The following TEX36 variants were observed in gnomAD, a reference collection of about 807,000 sequenced individuals.
TEX36 encodes testis-expressed protein 36.
A neutral mutation model predicts 13.6 loss-of-function variants in TEX36; 12 were observed. That is an observed-to-expected ratio of 0.88 (90% CI 0.56 to 1.43). The LOEUF is 1.43. Among genes scored for constraint, TEX36 ranks in the 40% most tolerant of loss-of-function variants. The pLI is 0.00. For missense variants in TEX36, 224 were observed against 228.3 expected (o/e 0.98, Z 0.12); for synonymous variants, 93 against 83.0 (o/e 1.12, Z -0.65).
Position 125,591,770 on chromosome 10 carries a change from C to G in TEX36, c.265-14896G>C, listed in dbSNP as rs141404472. On this transcript the variant is annotated intron_variant, in intron 3 of 3. Coordinates refer to the TEX36 transcript ENST00000532135. The stretch of plus-strand genomic sequence containing the variant: ...CCCTCAGACTCAGAGGATCAATTAG[C>G]AGATGCGTTCATGACGAACTTGTTT... 2.6e-4 allele frequency among the ~76,000 whole-genome samples: 40 copies of G among 152,308 alleles called. No individual in the cohort carries two copies. The East Asian group carries it at 7.2e-3, about 27-fold the overall frequency.
intron 2 of TEX36, 75 bp downstream of exon 2, chr10:125,661,771 G>T: frequency 6.6e-7 from 1 of 1,520,350 alleles, no homozygotes; most frequent in African/African-American, 1.4e-5. Context: ...GAATTGTTTG[G>T]CCCAACGTGC....
intron 3 of TEX36, among the ~76,000 whole-genome samples, chr10:125,596,080 G>A (rs1846079297): frequency 6.6e-6 from 1 of 152,242 alleles, no homozygotes; most frequent in South Asian, 2.1e-4. Context: ...GACTAGGTAA[G>A]TATTTAACCT....
chr10:125,653,780 A>G (rs1342653046), downstream of TEX36, among the ~76,000 whole-genome samples: 1 of 152,158 alleles, frequency 6.6e-6, no homozygotes, highest in African/African-American at 2.4e-5. Context: ...GGAGTTCAAG[A>G]CCAGCCTGGG....
At chr10:125,650,987 A>G (rs1197352759), downstream of TEX36, among the ~76,000 whole-genome samples, 1 of 152,216 alleles carries the variant, frequency 6.6e-6, no homozygotes, top group Non-Finnish European at 1.5e-5. Flanking sequence ...ACAGGTTCTG[A>G]AATTGAGGCA....
intron 2 of TEX36, 33 bp downstream of exon 2, chr10:125,661,813 A>C: frequency 3.9e-6 from 6 of 1,550,792 alleles, no homozygotes; most frequent in Non-Finnish European, 4.4e-6. Flanking sequence ...GGTCCACAGG[A>C]GCACATGGCA....
At chr10:125,652,014 C>A (rs919910526), downstream of TEX36, among the ~76,000 whole-genome samples, 3 of 152,202 alleles carry the variant, frequency 2.0e-5, no homozygotes, top group Admixed American at 1.3e-4. Flanking sequence ...AATGGAAGAA[C>A]ATTCCATGCT....
At chr10:125,590,469 C>T (rs1431446416) in intron 3 of TEX36, among the ~76,000 whole-genome samples, 1 of 152,108 alleles carries the variant, frequency 6.6e-6, no homozygotes, top group Non-Finnish European at 1.5e-5. Context: ...ATAGTACTAT[C>T]TTCATGGTGG....
intron 1 of TEX36, chr10:125,668,085 A>C (rs1847153983): frequency 1.7e-5 from 10 of 599,668 alleles, no homozygotes; most frequent in Non-Finnish European, 1.8e-5. Context: ...CTGTGGACAG[A>C]GTGTGGTTGG....
downstream of TEX36, among the ~76,000 whole-genome samples, chr10:125,619,771 G>T (rs1016644842): frequency 2.0e-5 from 3 of 151,878 alleles, no homozygotes; most frequent in East Asian, 5.8e-4. Context: ...TGGCCAGGCT[G>T]GTCTTGAACT....
chr10:125,656,406 C>G (rs115949385), intron 3 of TEX36, among the ~76,000 whole-genome samples: 3,967 of 151,550 alleles, frequency 0.026, 179 homozygotes, highest in African/African-American at 0.091. Context: ...ACAGGTGGAC[C>G]CCACCACGCC....
intron 3 of TEX36, among the ~76,000 whole-genome samples, chr10:125,656,669 T>C (rs760543705): frequency 6.6e-6 from 1 of 152,126 alleles, no homozygotes; most frequent in Non-Finnish European, 1.5e-5. Context: ...TGTTGAAGGT[T>C]ATGAATTGAC....
intron 3 of TEX36, among the ~76,000 whole-genome samples, chr10:125,631,409 G>A (rs1846552728): frequency 6.6e-6 from 1 of 152,212 alleles, no homozygotes; most frequent in South Asian, 2.1e-4. Context: ...TCGGCTGTAT[G>A]ACGGAGGAGA....
chr10:125,648,445 A>T (rs1316703742), intron 3 of TEX36, among the ~76,000 whole-genome samples: 1 of 152,240 alleles, frequency 6.6e-6, no homozygotes, highest in African/African-American at 2.4e-5. Context: ...GAGGGTCCTG[A>T]CTGTTAGAAG....
intron 3 of TEX36, among the ~76,000 whole-genome samples, chr10:125,636,786 T>A (rs2133571670): frequency 6.6e-6 from 1 of 152,276 alleles, no homozygotes; most frequent in Non-Finnish European, 1.5e-5. Flanking sequence ...CTAAGAACAC[T>A]CAGCGTGAGA....
chr10:125,619,581 C>T (rs564361288), downstream of TEX36, among the ~76,000 whole-genome samples: 10 of 152,184 alleles, frequency 6.6e-5, no homozygotes, highest in Admixed American at 6.5e-4. Context: ...GACGGAGTCT[C>T]GCTCTGTAGC....
intron 3 of TEX36, among the ~76,000 whole-genome samples, chr10:125,609,098 T>A (rs1565173411): frequency 2.7e-5 from 4 of 146,222 alleles, no homozygotes; most frequent in Admixed American, 1.4e-4. Flanking sequence ...GAAGTTGCAG[T>A]GAGCCGAGAT....
intron 2 of TEX36, among the ~76,000 whole-genome samples, 165 bp from the exon 3 acceptor site, chr10:125,661,266 T>A (rs1042209541): frequency 2.6e-5 from 4 of 152,124 alleles, no homozygotes; most frequent in African/African-American, 9.7e-5. Flanking sequence ...GGGGAGGATA[T>A]CCACGTGCTC....
At chr10:125,663,356 A>G (rs1411803092) in intron 1 of TEX36, among the ~76,000 whole-genome samples, 1 of 152,242 alleles carries the variant, frequency 6.6e-6, no homozygotes, top group Non-Finnish European at 1.5e-5. Context: ...TAGTGCTGCA[A>G]TAAACATGCA....
intron 3 of TEX36, among the ~76,000 whole-genome samples, chr10:125,600,800 A>C (rs1846136366): frequency 6.6e-6 from 1 of 152,208 alleles, no homozygotes. Context: ...GCATCTCATT[A>C]GTGTTTCAAG....
Sources: gnomAD v4.1 joint callset for allele counts (sites outside exome capture counted in the v4.1 genomes callset) on GRCh38, gnomAD v4.1.1 for gene constraint, MANE v1.5 for transcripts, NCBI Gene and HGNC (gene_info 2026-07-23, HGNC 2026-07-21) for gene names.